The following LRRTM4 variants were observed in gnomAD, a reference collection of about 807,000 sequenced individuals.
The protein encoded by LRRTM4 is leucine rich repeat transmembrane neuronal 4, also known as leucine-rich repeat transmembrane neuronal protein 4.
Under a neutral mutation model 47.6 loss-of-function variants are expected in LRRTM4, and 25 were observed. The observed-to-expected ratio is 0.53, with a 90% CI of 0.38 to 0.73. The LOEUF (loss-of-function observed/expected upper bound fraction) is 0.73, where lower values mean the gene tolerates loss of function less well. LRRTM4 is among the 30% of genes least tolerant of loss of function. LRRTM4 has a pLI of 0.00. For synonymous variants in LRRTM4, 311 were observed against 269.5 expected, an observed-to-expected ratio of 1.15 and a Z score of -1.51; for missense variants, 638 against 713.4, an observed-to-expected ratio of 0.89 and a Z score of 1.20.
At chr2:77,424,175 C>T (rs1385382536) in intron 3 of LRRTM4, among the ~76,000 whole-genome samples, 1 of 152,118 alleles carries the variant, frequency 6.6e-6, no homozygotes, top group Non-Finnish European at 1.5e-5. Context: ...TGTTATTGCT[C>T]AACCTCTTAG....
chr2:76,866,696 T>A (rs563750208), intron 3 of LRRTM4, among the ~76,000 whole-genome samples: 1 of 152,146 alleles, frequency 6.6e-6, no homozygotes, highest in Non-Finnish European at 1.5e-5. Flanking sequence ...AAACAAGCAT[T>A]AGGTTTCCAT....
Position 77,465,893 on chromosome 2 carries a change from A to AAT in LRRTM4, c.1551+52424_1551+52425insAT, listed in dbSNP as rs1299042174. On this transcript the variant is annotated intron_variant, in intron 3 of 3. Coordinates refer to ENST00000409884, the MANE Select transcript of LRRTM4 (RefSeq NM_001134745.3). ...GATTAGATTCCTATTACAGAAAAATACATACAGGGAGCTGGCACCTAGGTA... is the reference window on the plus strand; with the variant it reads ...GATTAGATTCCTATTACAGAAAAATAATCATACAGGGAGCTGGCACCTAGGTA... Among the ~76,000 whole-genome samples, 1,201 of 152,262 alleles carry AAT rather than the reference A, an allele frequency of 7.9e-3. 5 individuals carry two copies. The highest frequency in any genetic ancestry group is 0.012 in the Non-Finnish European group (785 of 68,006).
intron 3 of LRRTM4, among the ~76,000 whole-genome samples, chr2:76,934,219 G>T (rs989994089): frequency 6.6e-6 from 1 of 152,016 alleles, no homozygotes; most frequent in African/African-American, 2.4e-5. Context: ...TGTTGAATAC[G>T]ATAATAAAAG....
intron 3 of LRRTM4, among the ~76,000 whole-genome samples, chr2:76,770,025 A>T (rs1254303081): frequency 6.6e-6 from 1 of 152,178 alleles, no homozygotes. Context: ...AGCAGGCCTG[A>T]CATTATTCTG....
intron 3 of LRRTM4, among the ~76,000 whole-genome samples, chr2:76,846,869 A>G (rs1428781102): frequency 6.6e-6 from 1 of 151,752 alleles, no homozygotes; most frequent in African/African-American, 2.4e-5. Context: ...AGTGTGCATA[A>G]TTAATTTTAA....
At chr2:76,981,285 T>C (rs899848050) in intron 3 of LRRTM4, among the ~76,000 whole-genome samples, 8 of 152,040 alleles carry the variant, frequency 5.3e-5, no homozygotes, top group South Asian at 4.1e-4. Context: ...TAATAAAACA[T>C]AGAAAGGAAA....
At chr2:76,923,907 G>A (rs1480826318) in intron 3 of LRRTM4, among the ~76,000 whole-genome samples, 1 of 151,972 alleles carries the variant, frequency 6.6e-6, no homozygotes, top group Non-Finnish European at 1.5e-5. Flanking sequence ...TTACATTCCT[G>A]AAATAGTAGC....
intron 3 of LRRTM4, among the ~76,000 whole-genome samples, chr2:77,142,430 TACACACACAC>T (rs71381264): frequency 3.4e-5 from 5 of 145,260 alleles, no homozygotes; most frequent in African/African-American, 9.9e-5. Context: ...CACACACACA[TACACACACAC>T]ACACACACAC....
chr2:77,308,167 A>T (rs1435565712), intron 3 of LRRTM4, among the ~76,000 whole-genome samples: 1 of 148,450 alleles, frequency 6.7e-6, no homozygotes, highest in South Asian at 2.1e-4. Context: ...TTGCTTCTGC[A>T]TAGGTAAAGG....
At chr2:77,376,469 A>G (rs565840049) in intron 3 of LRRTM4, among the ~76,000 whole-genome samples, 1 of 150,594 alleles carries the variant, frequency 6.6e-6, no homozygotes, top group Admixed American at 6.7e-5. Context: ...CATCCTAGAT[A>G]CCACATTACA....
intron 3 of LRRTM4, among the ~76,000 whole-genome samples, chr2:77,289,789 T>G (rs144027861): frequency 1.7e-3 from 256 of 152,170 alleles, no homozygotes; most frequent in African/African-American, 5.8e-3. Flanking sequence ...ACTTCTGACG[T>G]GAAATATTTG....
At chr2:77,500,576 T>G (rs1469196569) in intron 3 of LRRTM4, among the ~76,000 whole-genome samples, 1 of 151,684 alleles carries the variant, frequency 6.6e-6, no homozygotes, top group Non-Finnish European at 1.5e-5. Context: ...TTCTCCTGTT[T>G]GCATAACATT....
intron 3 of LRRTM4, among the ~76,000 whole-genome samples, chr2:76,770,969 A>G (rs547361227): frequency 1.3e-5 from 2 of 152,252 alleles, no homozygotes; most frequent in South Asian, 2.1e-4. Context: ...CATTTATACA[A>G]TCGTTAGAAA....
intron 3 of LRRTM4, among the ~76,000 whole-genome samples, chr2:77,312,938 C>A (rs1193072988): frequency 6.6e-6 from 1 of 152,090 alleles, no homozygotes; most frequent in Non-Finnish European, 1.5e-5. Context: ...AGGGAAAACA[C>A]TTGAGAAAGA....
intron 3 of LRRTM4, among the ~76,000 whole-genome samples, chr2:77,482,954 C>T (rs1160494601): frequency 6.6e-6 from 1 of 151,434 alleles, no homozygotes; most frequent in African/African-American, 2.4e-5. Context: ...AACCCTGTCT[C>T]TACTAAAAAT....
intron 3 of LRRTM4, among the ~76,000 whole-genome samples, chr2:77,455,321 G>A (rs980020978): frequency 6.6e-6 from 1 of 152,070 alleles, no homozygotes; most frequent in Non-Finnish European, 1.5e-5. Context: ...ATTTGTAAGA[G>A]TATCTCAATA....
intron 3 of LRRTM4, among the ~76,000 whole-genome samples, chr2:77,490,237 G>T (rs931738212): frequency 1.3e-5 from 2 of 150,320 alleles, no homozygotes; most frequent in Non-Finnish European, 3.0e-5. Flanking sequence ...GTAACAGAGT[G>T]TGACTCTGTC....
At chr2:76,790,663 G>C (rs551975366) in intron 3 of LRRTM4, among the ~76,000 whole-genome samples, 12 of 152,160 alleles carry the variant, frequency 7.9e-5, no homozygotes, top group African/African-American at 2.6e-4. Flanking sequence ...TCTGAATTTG[G>C]GGAACAGTAT....
intron 3 of LRRTM4, among the ~76,000 whole-genome samples, chr2:77,479,579 C>A (rs72811268): frequency 6.6e-6 from 1 of 152,046 alleles, no homozygotes; most frequent in Non-Finnish European, 1.5e-5. Flanking sequence ...ATGTGACCCA[C>A]GGGAGGTACA....
Sources: allele counts gnomAD v4.1 joint callset (sites outside exome capture counted in the v4.1 genomes callset), GRCh38; gene constraint gnomAD v4.1.1; transcripts MANE v1.5; gene names NCBI Gene and HGNC (gene_info 2026-07-23, HGNC 2026-07-21).